Variants in CCSER1 observed in about 807,000 individuals in gnomAD.
CCSER1 encodes coiled-coil serine rich protein 1.
In CCSER1, 41 loss-of-function variants were observed where a neutral mutation model predicts 82.0. That is an observed-to-expected ratio of 0.50 (90% CI 0.39 to 0.65). The LOEUF (loss-of-function observed/expected upper bound fraction) is 0.65, where lower values mean the gene tolerates loss of function less well. CCSER1 is among the 30% of genes least tolerant of loss of function. CCSER1 has a pLI of 0.00. For synonymous variants in CCSER1, 414 were observed against 383.9 expected (o/e 1.08, Z -0.92); for missense variants, 1,119 against 1,064.2 (o/e 1.05, Z -0.72).
intron 5 of CCSER1, among the ~76,000 whole-genome samples, chr4:90,551,625 T>C (rs914043543): frequency 4.0e-5 from 6 of 151,512 alleles, no homozygotes; most frequent in African/African-American, 1.5e-4. Flanking sequence ...AATTTTGTGC[T>C]TCTATTTTCA....
intron 10 of CCSER1, among the ~76,000 whole-genome samples, chr4:91,501,515 A>T (rs908075892): frequency 6.6e-6 from 1 of 151,982 alleles, no homozygotes; most frequent in African/African-American, 2.4e-5. Flanking sequence ...ATATTCTTTT[A>T]ATTATTACCC....
intron 1 of CCSER1, among the ~76,000 whole-genome samples, chr4:90,138,282 C>T (rs886574576): frequency 6.6e-6 from 1 of 152,066 alleles, no homozygotes; most frequent in African/African-American, 2.4e-5. Context: ...GCCTCAAACT[C>T]CTGGGATCAA....
chr4:91,059,242 T>G (rs1420618403), intron 9 of CCSER1, among the ~76,000 whole-genome samples: 3 of 123,612 alleles, frequency 2.4e-5, no homozygotes, highest in African/African-American at 9.5e-5. Flanking sequence ...CTTGACTTGC[T>G]TGTATATAAT....
At chr4:90,451,368 T>C (rs553487737) in intron 4 of CCSER1, among the ~76,000 whole-genome samples, 42 of 152,328 alleles carry the variant, frequency 2.8e-4, no homozygotes, top group African/African-American at 9.1e-4. Flanking sequence ...TCTGCCAGTC[T>C]TCCCCGAGGT....
chr4:90,329,424 T>C (rs544163297), intron 3 of CCSER1, among the ~76,000 whole-genome samples: 11 of 152,264 alleles, frequency 7.2e-5, no homozygotes, highest in Admixed American at 4.6e-4. Flanking sequence ...ACTAGAAACA[T>C]TGAAAAACAA....
At chr4:91,100,161 A>C (rs761583833) in intron 10 of CCSER1, among the ~76,000 whole-genome samples, 3 of 151,214 alleles carry the variant, frequency 2.0e-5, no homozygotes, top group Non-Finnish European at 4.4e-5. Flanking sequence ...ATGACTCCCC[A>C]GACCCTTTAT....
intron 10 of CCSER1, among the ~76,000 whole-genome samples, chr4:91,484,210 A>C (rs2110053838): frequency 6.6e-6 from 1 of 152,274 alleles, no homozygotes; most frequent in African/African-American, 2.4e-5. Context: ...AACAAACTGA[A>C]AAACACTAAA....
intron 5 of CCSER1, among the ~76,000 whole-genome samples, chr4:90,610,025 G>A (rs888322579): frequency 2.0e-5 from 3 of 152,092 alleles, no homozygotes; most frequent in African/African-American, 4.8e-5. Flanking sequence ...GGCCAAGGCC[G>A]GTGGATCACG....
chr4:91,177,143 C>A (rs1581713591), intron 10 of CCSER1, among the ~76,000 whole-genome samples: 2 of 152,124 alleles, frequency 1.3e-5, no homozygotes, highest in African/African-American at 2.4e-5. Flanking sequence ...ATATGTTGAA[C>A]CAGCCTTGCA....
intron 1 of CCSER1, among the ~76,000 whole-genome samples, chr4:90,203,301 A>G (rs1738119136): frequency 6.6e-6 from 1 of 152,178 alleles, no homozygotes; most frequent in Non-Finnish European, 1.5e-5. Context: ...GCACCCATCA[A>G]CCTGTCATCT....
intron 8 of CCSER1, among the ~76,000 whole-genome samples, chr4:90,868,613 T>C (rs1468765095): frequency 6.6e-6 from 1 of 152,092 alleles, no homozygotes. Context: ...CGATAGACAC[T>C]TCAGTTGCTT....
At chr4:91,026,185 A>C (rs906164716) in intron 9 of CCSER1, among the ~76,000 whole-genome samples, 1 of 152,120 alleles carries the variant, frequency 6.6e-6, no homozygotes, top group African/African-American at 2.4e-5. Context: ...TGACACCTAA[A>C]ACTTGCTTTT....
At chr4:90,723,764 A>G (rs1743127021) in intron 6 of CCSER1, 150 bp from the exon 7 acceptor site, 4 of 403,802 alleles carry the variant, frequency 9.9e-6, no homozygotes, top group East Asian at 7.4e-5. Context: ...TTATATAATT[A>G]TGATTAAATC....
At chr4:90,188,770 TA>T (rs1353313674) in intron 1 of CCSER1, among the ~76,000 whole-genome samples, 5 of 151,914 alleles carry the variant, frequency 3.3e-5, no homozygotes, top group African/African-American at 1.2e-4. Context: ...AAAAAATAAA[TA>T]TGAACATTTT....
chr4:90,902,743 G>A (rs1240108626), intron 8 of CCSER1, among the ~76,000 whole-genome samples: 1 of 152,050 alleles, frequency 6.6e-6, no homozygotes, highest in African/African-American at 2.4e-5. Context: ...TGGTTGTACA[G>A]TTCAGGATCC....
chr4:90,572,445 T>C (rs1422001021), intron 5 of CCSER1, among the ~76,000 whole-genome samples: 2 of 152,154 alleles, frequency 1.3e-5, no homozygotes, highest in Non-Finnish European at 2.9e-5. Flanking sequence ...TATGTTTCTC[T>C]TCTTTTTCTT....
At chr4:91,247,693 C>T (rs539519958) in intron 10 of CCSER1, among the ~76,000 whole-genome samples, 1 of 152,148 alleles carries the variant, frequency 6.6e-6, no homozygotes, top group Admixed American at 6.5e-5. Flanking sequence ...CATGGCGAAA[C>T]CCTGTCTCTA....
At chr4:90,911,383 T>C (rs1483189997) in intron 8 of CCSER1, 7 of 449,902 alleles carry the variant, frequency 1.6e-5, no homozygotes, top group Non-Finnish European at 2.7e-5. Context: ...CAATGTGATC[T>C]GTATAATGTT....
chr4:91,526,845 C>A (rs1427157556), intron 10 of CCSER1, among the ~76,000 whole-genome samples: 1 of 152,020 alleles, frequency 6.6e-6, no homozygotes, highest in Admixed American at 6.6e-5. Context: ...CACCTGCCTT[C>A]GCCTCCCAAA....
Sources: gnomAD v4.1 joint callset for allele counts (sites outside exome capture counted in the v4.1 genomes callset) on GRCh38, gnomAD v4.1.1 for gene constraint, MANE v1.5 for transcripts, NCBI Gene and HGNC (gene_info 2026-07-23, HGNC 2026-07-21) for gene names.